MYO16: variants seen among roughly 807,000 people sequenced by gnomAD.
MYO16 encodes the protein unconventional myosin-XVI.
In MYO16, 94 loss-of-function variants were observed where a neutral mutation model predicts 205.3. The observed-to-expected ratio is 0.46, with a 90% CI of 0.39 to 0.54. The LOEUF (loss-of-function observed/expected upper bound fraction) is 0.54, where lower values mean the gene tolerates loss of function less well. Ranked by LOEUF, MYO16 falls within the 20% of genes least tolerant of loss-of-function variation. MYO16 has a pLI of 0.00. For synonymous variants in MYO16, 988 were observed against 954.0 expected, an observed-to-expected ratio of 1.04 and a Z score of -0.66; for missense variants, 2,315 against 2,387.5, an observed-to-expected ratio of 0.97 and a Z score of 0.63.
At chr13:108,638,170 AGACCTGTGGGAACAGT>A in intron 1 of MYO16, among the ~76,000 whole-genome samples, 1 of 152,298 alleles carries the variant, frequency 6.6e-6, no homozygotes. Flanking sequence ...AGCAACGTGA[AGACCTGTGGGAACAGT>A]GTGCCACACA....
In MYO16 at chr13:109,141,346, G is replaced by A. The variant is rs576329047; in HGVS notation, c.5134G>A (p.Ala1712Thr). Residue 1712 changes from alanine (A) to threonine (T), a missense_variant, in exon 32 of 35, where the codon GCG becomes ACG. Physicochemically the swap from Ala to Thr is moderately conservative, Grantham distance 58 (BLOSUM62 0). Transcript: ENST00000457511. The surrounding 1 kb of genome is among the most constrained non-coding windows in gnomAD (Gnocchi z 4.1). ...GGGGAGGAGTGTGCTTCGGAAATCC[G>A]CGGCGGGAAGAAAAATCAGGGAAGC... is the stretch of plus-strand genomic sequence containing the variant. Reference protein sequence around the residue: ...NSGRSVLRKSAAGRKIREAEG... With the variant: ...NSGRSVLRKSTAGRKIREAEG... 4.9e-5 allele frequency: 76 copies of A among 1,548,352 alleles called. No individual in the cohort carries two copies. The South Asian group carries it at 8.7e-4, about 18-fold the overall frequency.
Position 108,793,579 on chromosome 13 carries a change from T to C in MYO16, c.680T>C (p.Val227Ala). Reference sequence around the variant, plus strand: ...AGACCAATGAGTATGTTAACAGATGTCAAACACTTCTTATCATCTGGAGGA... The same window carrying C: ...AGACCAATGAGTATGTTAACAGATGCCAAACACTTCTTATCATCTGGAGGA... Reference protein sequence around the residue: ...LQRPMSMLTDVKHFLSSGGNV... With the variant: ...LQRPMSMLTDAKHFLSSGGNV... The change falls in exon 6 of 35, where the codon GTC becomes GCC. Residue 227 changes from valine to alanine, a missense_variant. Around this residue, in one of 3 missense-constraint regions of MYO16, gnomAD observed 1,213 missense variants for 1,274.4 expected, o/e 0.95. Transcript: ENST00000457511. 6.2e-7 allele frequency: 1 copy of C among 1,613,650 alleles called. No individual in the cohort carries two copies. The highest frequency in any genetic ancestry group is 8.5e-7 in the Non-Finnish European group (1 of 1,179,618).
chr13:109,173,659 G>A (rs923603755), intron 33 of MYO16, among the ~76,000 whole-genome samples: 1 of 152,058 alleles, frequency 6.6e-6, no homozygotes, highest in Admixed American at 6.5e-5. Flanking sequence ...ACTTTGGGAG[G>A]CTGAGGCAGG....
rs207474437 is a variant in MYO16, at chr13:108,964,885, T to C, written c.2352T>C (p.Ser784=). The C allele has an allele frequency of 6.2e-7, 1 of 1,613,838 alleles. No homozygotes were observed. The highest frequency in any genetic ancestry group is 8.5e-7 in the Non-Finnish European group (1 of 1,179,848). The part of the protein sequence containing the change: ...LVNTMNSCLH[S]QDEQKSMQTL... ...ATACCATGAATTCTTGCCTCCACAGTCAAGATGAACAGAAAAGGTAGGAGT... is the reference window on the plus strand; with the variant it reads ...ATACCATGAATTCTTGCCTCCACAGCCAAGATGAACAGAAAAGGTAGGAGT... The change falls in exon 20 of 35, where the codon AGT becomes AGC. Residue 784 remains serine, a synonymous_variant. Transcript: ENST00000457511.
chr13:108,946,525 A>G (rs527883122), intron 16 of MYO16, among the ~76,000 whole-genome samples: 36 of 152,310 alleles, frequency 2.4e-4, no homozygotes, highest in Admixed American at 2.2e-3. Context: ...TGTACACCCA[A>G]TATTAATTTA....
intron 20 of MYO16, among the ~76,000 whole-genome samples, chr13:108,972,116 G>A (rs1015123380): frequency 3.4e-5 from 5 of 145,694 alleles, no homozygotes; most frequent in Admixed American, 1.4e-4. Context: ...CTGCTGAGGT[G>A]GGAGAATTGC....
At chr13:108,579,518 G>A in the MYO16 span, among the ~76,000 whole-genome samples, 12 of 146,726 alleles carry the variant, frequency 8.2e-5, no homozygotes, top group East Asian at 2.0e-4. Context: ...TCTGCTCACT[G>A]CAACCTCTGC....
intron 27 of MYO16, among the ~76,000 whole-genome samples, chr13:109,095,646 A>G (rs1460034416): frequency 6.6e-6 from 1 of 152,240 alleles, no homozygotes; most frequent in African/African-American, 2.4e-5. Flanking sequence ...TGTTAATACT[A>G]TATTCAGATG....
intron 15 of MYO16, among the ~76,000 whole-genome samples, chr13:108,907,705 C>T (rs778682296): frequency 1.3e-5 from 2 of 152,204 alleles, no homozygotes; most frequent in Non-Finnish European, 2.9e-5. Context: ...ATTTTATTCA[C>T]TGCTGGAGAT....
At chr13:109,011,240 T>C (rs1247370714) in intron 22 of MYO16, among the ~76,000 whole-genome samples, 1 of 151,942 alleles carries the variant, frequency 6.6e-6, no homozygotes, top group African/African-American at 2.4e-5. Context: ...CTCCTCTGCA[T>C]TAGGTCTTCT....
rs560528512 is a variant in MYO16 at position 108,614,754 on chromosome 13, G to A, written c.-39+18515G>A. On this transcript the variant is annotated intron_variant, in intron 1 of 24. Transcript: ENST00000251041. Reference sequence around the variant, plus strand: ...ATTCAACAAATGTTGCTGAAACAACGGAATATCCATATGCAAAAGAATGAA... The same window carrying A: ...ATTCAACAAATGTTGCTGAAACAACAGAATATCCATATGCAAAAGAATGAA... 7.1e-4 allele frequency among the ~76,000 whole-genome samples: 108 copies of A among 151,914 alleles called. 1 individual carries two copies. Among genetic ancestry groups the A allele is most frequent in the Non-Finnish European group, 9.1e-4 (62 of 67,914 alleles).
the MYO16 span, among the ~76,000 whole-genome samples, chr13:108,552,522 G>C: frequency 6.6e-6 from 1 of 152,048 alleles, no homozygotes; most frequent in Non-Finnish European, 1.5e-5. Flanking sequence ...CCTATATCTT[G>C]CAAACTACCA....
chr13:108,983,022 T>C (rs1260947798), intron 20 of MYO16, among the ~76,000 whole-genome samples: 4 of 152,176 alleles, frequency 2.6e-5, no homozygotes, highest in African/African-American at 9.7e-5. Context: ...ACCTTTTCAA[T>C]TGATATCCGT....
intron 23 of MYO16, among the ~76,000 whole-genome samples, chr13:109,023,060 T>C (rs534501368): frequency 5.9e-4 from 78 of 132,542 alleles, no homozygotes; most frequent in African/African-American, 2.1e-3. Flanking sequence ...TAAGTATATG[T>C]TTATATTTAT....
intron 12 of MYO16, among the ~76,000 whole-genome samples, chr13:108,869,298 C>T (rs1031957082): frequency 6.6e-5 from 10 of 152,028 alleles, no homozygotes; most frequent in African/African-American, 1.9e-4. Flanking sequence ...CTCAGTGTAT[C>T]ATCCCGTGTG....
At chr13:109,187,918 T>C (rs542096743) in intron 34 of MYO16, among the ~76,000 whole-genome samples, 1 of 152,334 alleles carries the variant, frequency 6.6e-6, no homozygotes, top group South Asian at 2.1e-4. Flanking sequence ...TCTGTGTTCA[T>C]TTTTCATCTA....
chr13:108,788,502 G>T (rs1886522871), intron 5 of MYO16, among the ~76,000 whole-genome samples: 1 of 152,116 alleles, frequency 6.6e-6, no homozygotes, highest in Non-Finnish European at 1.5e-5. Flanking sequence ...CAGCATAATG[G>T]ATACATTATA....
chr13:108,530,749 T>G, the MYO16 span, among the ~76,000 whole-genome samples: 4 of 152,240 alleles, frequency 2.6e-5, no homozygotes, highest in Non-Finnish European at 2.9e-5. Context: ...GTTATACTTT[T>G]AATTACTATT....
chr13:108,652,167 A>G (rs950404577), intron 1 of MYO16, among the ~76,000 whole-genome samples: 2 of 149,140 alleles, frequency 1.3e-5, no homozygotes, highest in African/African-American at 4.9e-5. Context: ...GCGCGCGCGC[A>G]TGTGTGCGCG....
Sources: gnomAD v4.1 joint callset for allele counts (sites outside exome capture counted in the v4.1 genomes callset) on GRCh38, gnomAD v4.1.1 for gene constraint, gnomAD v4.1.1 regional missense constraint, Gnocchi (gnomAD v3.1) non-coding constraint, MANE v1.5 for transcripts, NCBI Gene and HGNC (gene_info 2026-07-23, HGNC 2026-07-21) for gene names.